Variants in MSRA observed in about 807,000 individuals in gnomAD.
MSRA encodes the protein methionine sulfoxide reductase A, also known as mitochondrial peptide methionine sulfoxide reductase.
In MSRA, 54 loss-of-function variants were observed where a neutral mutation model predicts 31.3. The observed-to-expected ratio is 1.73, with a 90% CI of 1.39 to 2.17. MSRA has a LOEUF of 2.17. Among genes scored for constraint, MSRA ranks in the 30% most tolerant of loss-of-function variants. The pLI is 0.00. For missense variants in MSRA, 507 were observed against 300.9 expected, an observed-to-expected ratio of 1.69 and a Z score of -5.07; for synonymous variants, 169 against 116.5, an observed-to-expected ratio of 1.45 and a Z score of -2.90.
chr8:10,073,827 G>T (rs563986482), intron 1 of MSRA, among the ~76,000 whole-genome samples: 60 of 152,092 alleles, frequency 3.9e-4, no homozygotes, highest in African/African-American at 1.3e-3. Flanking sequence ...TCTGTAGCTT[G>T]ACAGTTACCC....
At chr8:10,417,419 GACACACACACACAC>G (rs1184991397) in intron 5 of MSRA, among the ~76,000 whole-genome samples, 1 of 145,378 alleles carries the variant, frequency 6.9e-6, no homozygotes, top group Non-Finnish European at 1.5e-5. Context: ...TTCGTCAGAA[GACACACACACACAC>G]ACACACACAC....
chr8:10,408,878 T>C (rs540538816), intron 5 of MSRA, among the ~76,000 whole-genome samples: 51 of 152,322 alleles, frequency 3.3e-4, no homozygotes, highest in Middle Eastern at 3.4e-3. Flanking sequence ...TCTCTCCACA[T>C]TGCTGCAAAA....
intron 1 of MSRA, among the ~76,000 whole-genome samples, chr8:10,177,276 C>G (rs1771391556): frequency 6.6e-6 from 1 of 152,084 alleles, no homozygotes; most frequent in Admixed American, 6.6e-5. Context: ...TGGTTTATTT[C>G]CCATAGTTCT....
intron 5 of MSRA, among the ~76,000 whole-genome samples, chr8:10,375,676 C>T (rs1396242512): frequency 6.6e-6 from 1 of 152,160 alleles, no homozygotes; most frequent in Non-Finnish European, 1.5e-5. Context: ...GACCGCATCA[C>T]CAGTGGAAAT....
At chr8:10,352,155 G>C (rs1458002363) in intron 5 of MSRA, among the ~76,000 whole-genome samples, 1 of 152,214 alleles carries the variant, frequency 6.6e-6, no homozygotes, top group Non-Finnish European at 1.5e-5. Context: ...ATGAGCAGGG[G>C]AACACGTCGT....
chr8:10,269,407 G>A (rs1378521178), intron 3 of MSRA, among the ~76,000 whole-genome samples: 7 of 152,220 alleles, frequency 4.6e-5, no homozygotes, highest in Admixed American at 4.6e-4. Context: ...ACTTATGGAA[G>A]AAACAACCCG....
chr8:10,124,630 A>G lies in MSRA; in HGVS notation c.142+69972A>G, dbSNP rs181320515. On this transcript the variant is annotated intron_variant, in intron 1 of 5. Coordinates refer to ENST00000317173, the MANE Select transcript of MSRA (RefSeq NM_012331.5). Reference sequence around the variant, plus strand: ...TAAATAGAACAGGATGTATGGTTAAATAGCTAAAATTATTTTCATCATTGC... The same window carrying G: ...TAAATAGAACAGGATGTATGGTTAAGTAGCTAAAATTATTTTCATCATTGC... 3.1e-3 allele frequency among the ~76,000 whole-genome samples: 477 copies of G among 152,362 alleles called. 1 individual carries two copies. The highest frequency in any genetic ancestry group is 5.3e-3 in the Non-Finnish European group (360 of 68,034).
chr8:10,250,286 T>A, intron 3 of MSRA: 1 of 601,976 alleles, frequency 1.7e-6, no homozygotes, highest in South Asian at 2.1e-5. Context: ...GATGAAAATA[T>A]GAAAAGACAT....
intron 3 of MSRA, among the ~76,000 whole-genome samples, chr8:10,270,438 G>A (rs151024355): frequency 6.6e-6 from 1 of 151,966 alleles, no homozygotes; most frequent in Non-Finnish European, 1.5e-5. Context: ...CCTCTACTAG[G>A]TGCCTTATTT....
intron 3 of MSRA, among the ~76,000 whole-genome samples, chr8:10,287,643 T>G (rs1585373249): frequency 6.6e-6 from 1 of 152,164 alleles, no homozygotes; most frequent in African/African-American, 2.4e-5. Context: ...GTCTGGTGAA[T>G]TTTTGCTCAG....
chr8:10,341,761 T>C (rs573450278), intron 5 of MSRA, among the ~76,000 whole-genome samples: 1 of 152,302 alleles, frequency 6.6e-6, no homozygotes, highest in South Asian at 2.1e-4. Flanking sequence ...TGAGATGACA[T>C]GTGCCAAGCT....
At chr8:10,386,009 C>T (rs1178435038) in intron 5 of MSRA, among the ~76,000 whole-genome samples, 1 of 152,144 alleles carries the variant, frequency 6.6e-6, no homozygotes, top group Non-Finnish European at 1.5e-5. Flanking sequence ...TTCATTCAGA[C>T]CCTGTCTGTG....
chr8:10,232,494 C>T (rs190023072), intron 2 of MSRA, among the ~76,000 whole-genome samples: 23 of 152,256 alleles, frequency 1.5e-4, no homozygotes, highest in African/African-American at 3.6e-4. Context: ...TTCATGAGTG[C>T]GGAAGATGTA....
intron 5 of MSRA, among the ~76,000 whole-genome samples, chr8:10,347,470 C>G (rs1024637053): frequency 1.3e-5 from 2 of 152,214 alleles, no homozygotes; most frequent in African/African-American, 4.8e-5. Flanking sequence ...GCCTTGCCCC[C>G]TGCAGCTATC....
chr8:10,154,254 T>A (rs1803956351), intron 1 of MSRA, among the ~76,000 whole-genome samples: 3 of 150,852 alleles, frequency 2.0e-5, no homozygotes, highest in African/African-American at 7.3e-5. Context: ...TCAAAAATAC[T>A]TACAGTTCTT....
At chr8:10,220,531 A>G (rs949772809) in intron 2 of MSRA, among the ~76,000 whole-genome samples, 1 of 152,224 alleles carries the variant, frequency 6.6e-6, no homozygotes, top group African/African-American at 2.4e-5. Flanking sequence ...TTCTTAGGAA[A>G]AGAAATTTTA....
intron 5 of MSRA, among the ~76,000 whole-genome samples, chr8:10,384,260 C>T (rs1806251287): frequency 6.6e-6 from 1 of 152,172 alleles, no homozygotes; most frequent in South Asian, 2.1e-4. Context: ...TCCCTGTACC[C>T]CAGCCTGCTT....
chr8:10,220,426 T>C (rs1810388838), intron 2 of MSRA, among the ~76,000 whole-genome samples: 1 of 152,138 alleles, frequency 6.6e-6, no homozygotes, highest in African/African-American at 2.4e-5. Flanking sequence ...CTCAAAACAA[T>C]CTTTCAAAAA....
At chr8:10,340,178 A>G (rs1027920615) in intron 5 of MSRA, among the ~76,000 whole-genome samples, 2 of 152,078 alleles carry the variant, frequency 1.3e-5, no homozygotes, top group Non-Finnish European at 2.9e-5. Flanking sequence ...GAGCTCGGAG[A>G]CCACAGTGAC....
Sources: gnomAD v4.1 joint callset for allele counts (sites outside exome capture counted in the v4.1 genomes callset) on GRCh38, gnomAD v4.1.1 for gene constraint, MANE v1.5 for transcripts, NCBI Gene and HGNC (gene_info 2026-07-23, HGNC 2026-07-21) for gene names.